RGS12: variants seen among roughly 807,000 people sequenced by gnomAD.
RGS12 encodes regulator of G-protein signaling 12.
Under a neutral mutation model 120.1 loss-of-function variants are expected in RGS12, and 66 were observed. The observed-to-expected ratio is 0.55, with a 90% CI of 0.45 to 0.67. The LOEUF is 0.67. RGS12 is among the 30% of genes least tolerant of loss of function. The pLI is 0.00. For missense variants in RGS12, 1,859 were observed against 1,957.7 expected (o/e 0.95, Z 0.95); for synonymous variants, 827 against 804.7 (o/e 1.03, Z -0.47).
intron 6 of RGS12, 142 bp downstream of exon 6, chr4:3,414,986 T>G (rs1722197906): frequency 2.1e-6 from 1 of 481,926 alleles, no homozygotes; most frequent in Non-Finnish European, 3.6e-6. Flanking sequence ...TGTGAGAGGT[T>G]GCGTGTGAGG....
At chr4:3,303,636 C>G (rs552428145) in intron 1 of RGS12, among the ~76,000 whole-genome samples, 1 of 152,200 alleles carries the variant, frequency 6.6e-6, no homozygotes, top group Admixed American at 6.5e-5. Context: ...GCCAGCTTGT[C>G]TCCCTGGGTG....
intron 3 of RGS12, among the ~76,000 whole-genome samples, chr4:3,345,201 C>T (rs1363649352): frequency 6.6e-6 from 1 of 152,100 alleles, no homozygotes; most frequent in East Asian, 1.9e-4. Context: ...GACAGATGTC[C>T]TCAGAGGAAT....
intron 2 of RGS12, among the ~76,000 whole-genome samples, chr4:3,340,270 G>A (rs1478368580): frequency 1.3e-5 from 2 of 152,246 alleles, no homozygotes; most frequent in African/African-American, 2.4e-5. Context: ...AGCATCAGAC[G>A]AAGCGAAGGG....
chr4:3,390,771 C>T lies in RGS12; in HGVS notation c.2020+4334C>T, dbSNP rs1331370287. Among the ~76,000 whole-genome samples the T allele has an allele frequency of 6.6e-6, 1 of 152,266 alleles. No homozygotes were observed. The highest frequency in any genetic ancestry group is 1.5e-5 in the Non-Finnish European group (1 of 68,048). On this transcript the variant is annotated intron_variant, in intron 4 of 17. Coordinates refer to ENST00000336727, the MANE Select transcript of RGS12 (RefSeq NM_001394154.1). The surrounding 1 kb of genome is among the most constrained non-coding windows in gnomAD (Gnocchi z 4.6). ...CATCTCGCCGGTCCTTGTTAGCGAA[C>T]AGGCACTGAGGCCTGGGGAGCTGTC...
rs191691696 is a variant in RGS12 at position 3,411,279 on chromosome 4, T to A, written c.2021-2793T>A. Among the ~76,000 whole-genome samples, 5 of 152,336 alleles carry A rather than the reference T, an allele frequency of 3.3e-5. No individual in the cohort carries two copies. In the East Asian group the frequency reaches 9.6e-4, roughly 29 times the overall value. On this transcript the variant is annotated intron_variant, in intron 4 of 17. Transcript: ENST00000336727. The stretch of plus-strand genomic sequence containing the variant: ...TTTGTTTCTGTACTCTGTTGTGTCC[T>A]GCAGGTGACACCGATGCTGTCCCCT...
intron 1 of RGS12, among the ~76,000 whole-genome samples, chr4:3,303,162 A>G (rs916148161): frequency 6.6e-6 from 1 of 152,344 alleles, no homozygotes; most frequent in East Asian, 1.9e-4. Context: ...GGCTGGACCC[A>G]GTGGGACAGG....
At chr4:3,379,611 C>T (rs1267680515) in intron 3 of RGS12, among the ~76,000 whole-genome samples, 1 of 152,098 alleles carries the variant, frequency 6.6e-6, no homozygotes, top group African/African-American at 2.4e-5. Flanking sequence ...TTTCACATGG[C>T]TGGGGAGGCC....
intron 2 of RGS12, among the ~76,000 whole-genome samples, chr4:3,332,303 T>C (rs1411115291): frequency 6.6e-6 from 1 of 152,246 alleles, no homozygotes; most frequent in Non-Finnish European, 1.5e-5. Flanking sequence ...GCTTCAGTTT[T>C]ATAGAAATGG....
chr4:3,435,234 G>T (rs987582405), intron 17 of RGS12, among the ~76,000 whole-genome samples: 1 of 152,128 alleles, frequency 6.6e-6, no homozygotes, highest in Non-Finnish European at 1.5e-5. Flanking sequence ...GCCTGGAAGT[G>T]AGGTCACGCC....
chr4:3,332,022 C>T (rs1711908186), intron 2 of RGS12, among the ~76,000 whole-genome samples: 1 of 152,136 alleles, frequency 6.6e-6, no homozygotes, highest in African/African-American at 2.4e-5. Flanking sequence ...GGCTGGGAAG[C>T]AGTGGACAGA....
chr4:3,317,752 G>C lies in RGS12; in HGVS notation c.1582G>C (p.Gly528Arg), dbSNP rs770152027. ...CCCCCCTTCCAAGAGGGGCACCGTG[G>C]GTGCTGGCTGTGGTTTCAACCAGCG... ...SVPPSKRGTV[G>R]AGCGFNQRWL... Residue 528 changes from glycine (G) to arginine (R), a missense_variant, in exon 2 of 18, where the codon GGT (glycine) becomes CGT (arginine). This residue lies in a region of RGS12 where 967 missense variants were observed against 994.2 expected (regional missense o/e 0.97). Coordinates refer to ENST00000336727, the MANE Select transcript of RGS12 (RefSeq NM_001394154.1). 1.2e-6 allele frequency: 2 copies of C among 1,613,580 alleles called. No individual in the cohort carries two copies. The highest frequency in any genetic ancestry group is 2.2e-5 in the South Asian group (2 of 91,090).
chr4:3,346,602 C>G (rs1713818868), intron 3 of RGS12, among the ~76,000 whole-genome samples: 1 of 152,124 alleles, frequency 6.6e-6, no homozygotes, highest in African/African-American at 2.4e-5. Flanking sequence ...TTTAGTGATT[C>G]TATGGGAGAA....
chr4:3,337,674 G>A (rs1712622804), intron 2 of RGS12, among the ~76,000 whole-genome samples: 1 of 152,134 alleles, frequency 6.6e-6, no homozygotes, highest in Admixed American at 6.5e-5. Flanking sequence ...GACAGAAAGC[G>A]GGAGAGGGGG....
chr4:3,408,671 G>A (rs1024878879), intron 4 of RGS12, among the ~76,000 whole-genome samples: 6 of 152,146 alleles, frequency 3.9e-5, no homozygotes, highest in Admixed American at 6.5e-5. Context: ...CTGTGCCCTC[G>A]GGAAGCTGAG....
At chr4:3,340,757 CAGGCA>C (rs1712980753) in intron 2 of RGS12, among the ~76,000 whole-genome samples, 1 of 140,000 alleles carries the variant, frequency 7.1e-6, no homozygotes, top group Admixed American at 7.3e-5. Context: ...CAGGCAGGTG[CAGGCA>C]GGTGCAGGCC....
At position 3,317,098 on chromosome 4, in the gene RGS12, C is replaced by G; in HGVS notation, c.928C>G (p.Arg310Gly). 1 of 1,613,742 alleles carries G rather than the reference C, an allele frequency of 6.2e-7. No individual in the cohort carries two copies. Among genetic ancestry groups the G allele is most frequent in the Non-Finnish European group, 8.5e-7 (1 of 1,180,036 alleles). The change falls in exon 2 of 18, where the codon CGA becomes GGA. Residue 310 changes from arginine to glycine, a missense_variant. Coordinates refer to ENST00000336727, the MANE Select transcript of RGS12 (RefSeq NM_001394154.1). ...AFSAVCPDDR[R>G]FFGLVTMQTN... ...CAGCGCCGTGTGCCCGGACGACCGGCGATTTTTCGGGTTGGTTACCATGCA... is the reference window on the plus strand; with the variant it reads ...CAGCGCCGTGTGCCCGGACGACCGGGGATTTTTCGGGTTGGTTACCATGCA...
intron 2 of RGS12, chr4:3,324,725 G>A (rs1054116874): frequency 6.6e-6 from 1 of 152,350 alleles, no homozygotes; most frequent in Non-Finnish European, 1.5e-5. Flanking sequence ...AGGGGCCAGG[G>A]CCTCCTCCTT....
chr4:3,369,281 T>C (rs1716718204), intron 3 of RGS12, among the ~76,000 whole-genome samples: 1 of 152,256 alleles, frequency 6.6e-6, no homozygotes, highest in Non-Finnish European at 1.5e-5. Context: ...AAGCAGCCAT[T>C]GTGCATTTCT....
At chr4:3,417,312 T>G in intron 8 of RGS12, 76 bp from the exon 9 acceptor site, 1 of 1,462,344 alleles carries the variant, frequency 6.8e-7, no homozygotes, top group Non-Finnish European at 9.2e-7. Flanking sequence ...TACAGCTCAG[T>G]ATTGCCTCCT....
Sources: allele counts gnomAD v4.1 joint callset (sites outside exome capture counted in the v4.1 genomes callset), GRCh38; gene constraint gnomAD v4.1.1; regional missense constraint gnomAD v4.1.1; non-coding constraint Gnocchi (gnomAD v3.1); transcripts MANE v1.5; gene names NCBI Gene and HGNC (gene_info 2026-07-23, HGNC 2026-07-21).